Variants in KPNA7 observed in about 807,000 individuals in gnomAD.
KPNA7 encodes importin subunit alpha-8.
In KPNA7, 54 loss-of-function variants were observed where a neutral mutation model predicts 53.7. The observed-to-expected ratio is 1.01, with a 90% CI of 0.81 to 1.26. The LOEUF is 1.26. KPNA7 is among the 50% of genes most tolerant of loss of function. KPNA7 has a pLI of 0.00. For synonymous variants in KPNA7, 276 were observed against 259.3 expected (o/e 1.06, Z -0.62); for missense variants, 640 against 644.5 (o/e 0.99, Z 0.07).
At chr7:99,174,592 T>A (rs1242158742) in intron 10 of KPNA7, among the ~76,000 whole-genome samples, 1 of 152,152 alleles carries the variant, frequency 6.6e-6, no homozygotes, top group Non-Finnish European at 1.5e-5. Context: ...CTCTACAGAT[T>A]TGATGACTGC....
At chr7:99,205,492 G>C (rs17161622) in intron 2 of KPNA7, among the ~76,000 whole-genome samples, 1 of 150,618 alleles carries the variant, frequency 6.6e-6, no homozygotes, top group Admixed American at 6.6e-5. Context: ...TGCTTCCCTC[G>C]TTCTCCTAAT....
chr7:99,146,288 T>C, the KPNA7 span, among the ~76,000 whole-genome samples: 1 of 152,326 alleles, frequency 6.6e-6, no homozygotes, highest in East Asian at 1.9e-4. Flanking sequence ...TCCTTAATCT[T>C]TGAGTCAGGA....
the KPNA7 span, among the ~76,000 whole-genome samples, chr7:99,168,468 C>T: frequency 1.3e-5 from 2 of 152,262 alleles, no homozygotes; most frequent in South Asian, 4.1e-4. Context: ...CCTGGCCCTG[C>T]TCTTACTTGG....
intron 3 of KPNA7, among the ~76,000 whole-genome samples, chr7:99,201,891 A>G (rs1471737541): frequency 2.0e-5 from 3 of 151,908 alleles, no homozygotes; most frequent in Non-Finnish European, 4.4e-5. Context: ...TATTCTTAGT[A>G]GAGATGGGGT....
the KPNA7 span, among the ~76,000 whole-genome samples, chr7:99,153,066 C>T: frequency 1.3e-5 from 2 of 152,078 alleles, no homozygotes; most frequent in African/African-American, 4.8e-5. Flanking sequence ...ATGCTTACCT[C>T]GCAAACGGGG....
At chr7:99,179,050 T>TAC (rs1332601889) in intron 9 of KPNA7, among the ~76,000 whole-genome samples, 3 of 152,088 alleles carry the variant, frequency 2.0e-5, no homozygotes, top group Admixed American at 6.6e-5. Flanking sequence ...GTGCTGGGAT[T>TAC]ACAAGCATGA....
intron 2 of KPNA7, among the ~76,000 whole-genome samples, chr7:99,206,882 C>A (rs1240144560): frequency 3.3e-5 from 5 of 152,186 alleles, no homozygotes; most frequent in Admixed American, 1.3e-4. Flanking sequence ...AGTCCACATG[C>A]TTTTGTCTTC....
In KPNA7 at chr7:99,185,133, A is replaced by G. The variant is rs541248764; in HGVS notation, c.930T>C (p.Ile310=). ...GCGTCTGCTCATCTGTGCCCGTGAC[A>G]ATGTTCCCCACGGTGCGGAGAGAAG... ...LTPSLRTVGN[I]VTGTDEQTQM... Residue 310 remains isoleucine (I), a synonymous_variant, in exon 8 of 11, where the codon ATT becomes ATC. Transcript: ENST00000327442. 5 of 1,552,052 alleles carry G rather than the reference A, an allele frequency of 3.2e-6. No individual in the cohort carries two copies. The South Asian group carries it at 4.8e-5, about 15-fold the overall frequency.
intron 6 of KPNA7, among the ~76,000 whole-genome samples, chr7:99,191,272 C>T (rs1789939934): frequency 1.3e-5 from 2 of 151,812 alleles, no homozygotes; most frequent in African/African-American, 2.4e-5. Flanking sequence ...ATTCTCCTGC[C>T]TCAGCCTCCT....
At chr7:99,217,500 A>G (rs993740246) in intron 1 of KPNA7, among the ~76,000 whole-genome samples, 2 of 151,826 alleles carry the variant, frequency 1.3e-5, no homozygotes, top group African/African-American at 4.8e-5. Flanking sequence ...CCCAAGATGC[A>G]TTGGTCCACA....
At chr7:99,156,684 C>A in the KPNA7 span, among the ~76,000 whole-genome samples, 1 of 152,010 alleles carries the variant, frequency 6.6e-6, no homozygotes, top group African/African-American at 2.4e-5. Flanking sequence ...ACCACCACAC[C>A]CAGAAAATTT....
intron 9 of KPNA7, among the ~76,000 whole-genome samples, chr7:99,181,242 T>C (rs1326235194): frequency 6.6e-6 from 1 of 152,066 alleles, no homozygotes; most frequent in Non-Finnish European, 1.5e-5. Context: ...TCTCTGTCTC[T>C]GTCTCTATAA....
At chr7:99,212,281 G>A (rs1210223770), upstream of KPNA7, among the ~76,000 whole-genome samples, 1 of 81,392 alleles carries the variant, frequency 1.2e-5, no homozygotes, top group Admixed American at 2.0e-4. Context: ...TTTCATTCTT[G>A]TAGCCCAGGC....
intron 4 of KPNA7, 69 bp downstream of exon 4, chr7:99,196,015 C>T: frequency 4.7e-6 from 6 of 1,290,252 alleles, no homozygotes; most frequent in Middle Eastern, 2.0e-4. Flanking sequence ...AGGCCACCGG[C>T]GCTCCAGCCA....
intron 2 of KPNA7, among the ~76,000 whole-genome samples, chr7:99,205,652 C>T (rs1437805098): frequency 6.6e-6 from 1 of 152,136 alleles, no homozygotes; most frequent in Non-Finnish European, 1.5e-5. Context: ...GAGTTTGAGA[C>T]CAGCCTGGCC....
chr7:99,212,386 G>A (rs1349227932), upstream of KPNA7, among the ~76,000 whole-genome samples: 6 of 151,732 alleles, frequency 4.0e-5, no homozygotes, highest in African/African-American at 1.2e-4. Flanking sequence ...TGGGATTACA[G>A]GCACCTGCCA....
Position 99,188,390 on chromosome 7 carries a change from G to T in KPNA7, c.810C>A (p.Asp270Glu). 1.3e-6 allele frequency: 2 copies of T among 1,551,604 alleles called. No individual in the cohort carries two copies. Among genetic ancestry groups the T allele is most frequent in the South Asian group, 1.2e-5 (1 of 84,048 alleles). The change falls in exon 7 of 11, where the codon GAC becomes GAA. Residue 270 changes from aspartate to glutamate, a missense_variant. Physicochemically the swap from Asp to Glu is conservative, Grantham distance 45. Coordinates refer to ENST00000327442, the MANE Select transcript of KPNA7 (RefSeq NM_001145715.3). Reference protein sequence around the residue: ...DACWALSYLTDGSNKRIGQVV... With the variant: ...DACWALSYLTEGSNKRIGQVV... Reference sequence around the variant, plus strand: ...CTTGGCCGATGCGCTTGTTGGAGCCGTCGGTGAGGTAGGACAGTGCCCAGC... The same window carrying T: ...CTTGGCCGATGCGCTTGTTGGAGCCTTCGGTGAGGTAGGACAGTGCCCAGC...
chr7:99,167,573 C>G, the KPNA7 span, among the ~76,000 whole-genome samples: 1 of 150,212 alleles, frequency 6.7e-6, no homozygotes, highest in East Asian at 2.0e-4. Context: ...CTGCCTCAGC[C>G]TAAGTAGCTG....
the KPNA7 span, among the ~76,000 whole-genome samples, chr7:99,168,471 T>C: frequency 6.6e-6 from 1 of 152,164 alleles, no homozygotes; most frequent in Non-Finnish European, 1.5e-5. Flanking sequence ...GGCCCTGCTC[T>C]TACTTGGTGT....
Sources: gnomAD v4.1 joint callset for allele counts (sites outside exome capture counted in the v4.1 genomes callset) on GRCh38, gnomAD v4.1.1 for gene constraint, MANE v1.5 for transcripts, NCBI Gene and HGNC (gene_info 2026-07-23, HGNC 2026-07-21) for gene names.